Variants in MRTFA observed in about 807,000 individuals in gnomAD.
MRTFA encodes the protein myocardin related transcription factor A.
MRTFA carries 20 observed loss-of-function variants against 83.5 expected under a neutral mutation model. The ratio of observed to expected loss-of-function variants is 0.24; its 90% confidence interval spans 0.17 to 0.35. The LOEUF (loss-of-function observed/expected upper bound fraction) is 0.35. Among genes scored for constraint, MRTFA ranks in the 10% least tolerant of loss-of-function variants. MRTFA has a pLI of 1.00. For synonymous variants in MRTFA, 659 were observed against 541.2 expected (o/e 1.22, Z -3.02); for missense variants, 1,200 against 1,224.7 (o/e 0.98, Z 0.30).
At position 40,418,615 on chromosome 22, in the gene MRTFA, T is replaced by G. The variant is rs2052744880; in HGVS notation, c.2123A>C (p.His708Pro). The change falls in exon 12 of 15, where the codon CAC (histidine) becomes CCC (proline). Residue 708 changes from histidine (H) to proline (P), a missense_variant. This residue lies in a region of MRTFA where 1,107 missense variants were observed against 1,041.8 expected (regional missense o/e 1.06). Transcript: ENST00000355630. Reference sequence around the variant, plus strand: ...CGGGGCCACAGCACAAGGGTCTATGTGGTTGGTGGCTGGGGCCGCCAGGCT... The same window carrying G: ...CGGGGCCACAGCACAAGGGTCTATGGGGTTGGTGGCTGGGGCCGCCAGGCT... 6.5e-7 allele frequency: 1 copy of G among 1,534,194 alleles called. No homozygotes were observed.
intron 5 of MRTFA, among the ~76,000 whole-genome samples, chr22:40,432,521 T>C (rs879931463): frequency 1.3e-5 from 2 of 152,068 alleles, no homozygotes; most frequent in Non-Finnish European, 2.9e-5. Flanking sequence ...TGGACCTGAC[T>C]CTATAGAGTC....
intron 2 of MRTFA, among the ~76,000 whole-genome samples, chr22:40,591,698 A>G (rs1005670654): frequency 3.9e-5 from 6 of 152,266 alleles, no homozygotes; most frequent in African/African-American, 1.4e-4. Context: ...ATTATACCTC[A>G]AAGTTATTTT....
chr22:40,525,856 A>G (rs907995247), intron 3 of MRTFA, among the ~76,000 whole-genome samples: 1 of 150,600 alleles, frequency 6.6e-6, no homozygotes, highest in East Asian at 1.9e-4. Flanking sequence ...ATCAAAGAGG[A>G]AAAAAAAAAT....
At chr22:40,570,577 C>CCAAAAA (rs1366723006) in intron 2 of MRTFA, among the ~76,000 whole-genome samples, 3 of 23,152 alleles carry the variant, frequency 1.3e-4, no homozygotes, top group South Asian at 2.3e-3. Context: ...GACTCTGTCT[C>CCAAAAA]AAAAAAAAAA....
intron 3 of MRTFA, among the ~76,000 whole-genome samples, chr22:40,541,991 A>G (rs962414587): frequency 2.0e-5 from 3 of 147,960 alleles, no homozygotes; most frequent in African/African-American, 7.5e-5. Flanking sequence ...TTTTAAGCTC[A>G]CTTTTTAAAG....
intron 6 of MRTFA, among the ~76,000 whole-genome samples, chr22:40,430,486 C>CA (rs879586485): frequency 6.1e-4 from 88 of 145,250 alleles, no homozygotes; most frequent in South Asian, 2.2e-3. Flanking sequence ...GACTCCATCT[C>CA]AAAAAAAAAA....
chr22:40,431,340 G>T (rs1234187862), intron 6 of MRTFA, 65 bp downstream of exon 6: 6 of 1,430,016 alleles, frequency 4.2e-6, no homozygotes, highest in Non-Finnish European at 4.9e-6. Context: ...GAAATGGGTA[G>T]TGCAGTAGTG....
chr22:40,455,964 A>G (rs959302881), intron 4 of MRTFA, among the ~76,000 whole-genome samples: 2 of 152,064 alleles, frequency 1.3e-5, no homozygotes, highest in Non-Finnish European at 2.9e-5. Context: ...GACTACAGGC[A>G]TGCACCACCA....
rs571409188 is a variant in MRTFA, at chr22:40,574,694, A to G, written c.-22+19980T>C. ...AGAGATTCACCCGCCTCAGCCTCCCAAAGTGCTGGGATTATAGATGTTAGC... is the reference window on the plus strand; with the variant it reads ...AGAGATTCACCCGCCTCAGCCTCCCGAAGTGCTGGGATTATAGATGTTAGC... On this transcript the variant is annotated intron_variant, in intron 2 of 14. Coordinates refer to ENST00000355630, the MANE Select transcript of MRTFA (RefSeq NM_020831.6). 4.4e-4 allele frequency among the ~76,000 whole-genome samples: 67 copies of G among 152,088 alleles called. 3 individuals are homozygous for G. The South Asian group carries it at 0.014, about 32-fold the overall frequency.
At chr22:40,493,695 G>C (rs2054306437) in intron 3 of MRTFA, among the ~76,000 whole-genome samples, 1 of 152,182 alleles carries the variant, frequency 6.6e-6, no homozygotes, top group African/African-American at 2.4e-5. Context: ...AGGAGCAACT[G>C]GAACTCCCAG....
chr22:40,431,310 G>A (rs2053065118), intron 6 of MRTFA, 95 bp downstream of exon 6: 1 of 1,196,296 alleles, frequency 8.4e-7, no homozygotes, highest in Non-Finnish European at 1.2e-6. Flanking sequence ...ACAGAAATGG[G>A]AGAAGAAAGA....
chr22:40,513,798 A>G (rs1300203317), intron 3 of MRTFA, among the ~76,000 whole-genome samples: 1 of 152,082 alleles, frequency 6.6e-6, no homozygotes, highest in Non-Finnish European at 1.5e-5. Context: ...TAGCTCCTTA[A>G]TAAGAGACAA....
At chr22:40,463,353 T>A in intron 3 of MRTFA, 67 bp from the exon 4 acceptor site, 1 of 1,366,756 alleles carries the variant, frequency 7.3e-7, no homozygotes, top group Non-Finnish European at 1.0e-6. Flanking sequence ...AAAAACACAT[T>A]TTCAAACGCA....
chr22:40,486,656 C>T (rs559627357), intron 3 of MRTFA, among the ~76,000 whole-genome samples: 4 of 152,156 alleles, frequency 2.6e-5, no homozygotes, highest in African/African-American at 9.7e-5. Flanking sequence ...AACCTTACAA[C>T]GGTTGGCTCA....
intron 3 of MRTFA, among the ~76,000 whole-genome samples, chr22:40,488,527 T>C (rs1244863799): frequency 1.3e-5 from 2 of 151,882 alleles, no homozygotes; most frequent in East Asian, 3.9e-4. Context: ...TCTCTTTTTT[T>C]TTAATTAAAT....
rs551297014 is a variant in MRTFA at position 40,444,475 on chromosome 22, T to G, written c.308-8921A>C. ...AAGCCAAGTTAAACCCCAAATAAGA[T>G]AACTGGAAAAAAATTTATAGTAACA... On this transcript the variant is annotated intron_variant, in intron 4 of 14. Transcript: ENST00000355630. 1.1e-4 allele frequency among the ~76,000 whole-genome samples: 16 copies of G among 152,126 alleles called. No individual in the cohort carries two copies. In the South Asian group the frequency reaches 3.3e-3, roughly 32 times the overall value.
intron 2 of MRTFA, among the ~76,000 whole-genome samples, chr22:40,584,914 G>A (rs1043729477): frequency 1.3e-5 from 2 of 151,870 alleles, no homozygotes; most frequent in East Asian, 1.9e-4. Context: ...GCGTGGTGGC[G>A]CACGCCTGTA....
chr22:40,548,418 C>G (rs1349822095), intron 3 of MRTFA, among the ~76,000 whole-genome samples: 1 of 145,156 alleles, frequency 6.9e-6, no homozygotes, highest in Non-Finnish European at 1.5e-5. Context: ...GCATCTAACA[C>G]TAAATATGAG....
At chr22:40,555,133 G>A (rs1002404533) in intron 2 of MRTFA, among the ~76,000 whole-genome samples, 1 of 152,216 alleles carries the variant, frequency 6.6e-6, no homozygotes, top group African/African-American at 2.4e-5. Flanking sequence ...ATCTCCAGAT[G>A]AGACTTTGGA....
Sources: gnomAD v4.1 joint callset for allele counts (sites outside exome capture counted in the v4.1 genomes callset) on GRCh38, gnomAD v4.1.1 for gene constraint, gnomAD v4.1.1 regional missense constraint, MANE v1.5 for transcripts, NCBI Gene and HGNC (gene_info 2026-07-23, HGNC 2026-07-21) for gene names.